NKAIN2: variants seen among roughly 807,000 people sequenced by gnomAD.
NKAIN2 encodes the protein sodium/potassium transporting ATPase interacting 2, also known as sodium/potassium-transporting ATPase subunit beta-1-interacting protein 2.
In NKAIN2, 14 loss-of-function variants were observed where a neutral mutation model predicts 32.6. That is an observed-to-expected ratio of 0.43 (90% CI 0.28 to 0.67). The LOEUF (loss-of-function observed/expected upper bound fraction) is 0.67, where lower values mean the gene tolerates loss of function less well. Ranked by LOEUF, NKAIN2 falls within the 30% of genes least tolerant of loss-of-function variation. The pLI, the probability that NKAIN2 is intolerant of heterozygous loss-of-function variation, is 0.17. For missense variants in NKAIN2, 198 were observed against 258.3 expected (o/e 0.77, Z 1.60); for synonymous variants, 80 against 87.2 (o/e 0.92, Z 0.46).
chr6:124,044,788 G>A (rs188068139), intron 1 of NKAIN2, among the ~76,000 whole-genome samples: 1 of 152,178 alleles, frequency 6.6e-6, no homozygotes, highest in African/African-American at 2.4e-5. Flanking sequence ...TCAGTTATCA[G>A]TGTTTTCTGC....
At chr6:124,577,350 C>A (rs1323146590) in intron 3 of NKAIN2, among the ~76,000 whole-genome samples, 1 of 152,050 alleles carries the variant, frequency 6.6e-6, no homozygotes, top group Non-Finnish European at 1.5e-5. Context: ...CCTCCTGCAC[C>A]CCCCAGCAGC....
intron 2 of NKAIN2, among the ~76,000 whole-genome samples, chr6:124,286,663 TGTGTGTGTGTGC>T (rs1266757386): frequency 1.7e-4 from 21 of 124,058 alleles, no homozygotes; most frequent in African/African-American, 7.8e-4. Flanking sequence ...TGTGTGTGTG[TGTGTGTGTGTGC>T]GCGCGCGTGT....
chr6:124,135,300 G>A (rs1241549397), intron 1 of NKAIN2, among the ~76,000 whole-genome samples: 4 of 151,688 alleles, frequency 2.6e-5, no homozygotes, highest in African/African-American at 9.7e-5. Context: ...AATGTAAATG[G>A]CCTAAATGCT....
chr6:124,504,704 G>A (rs1203522317), intron 3 of NKAIN2, among the ~76,000 whole-genome samples: 1 of 152,224 alleles, frequency 6.6e-6, no homozygotes, highest in African/African-American at 2.4e-5. Flanking sequence ...AACACAGCAA[G>A]AGTAAGCAAA....
At chr6:123,839,536 T>TC (rs1255102844) in intron 1 of NKAIN2, among the ~76,000 whole-genome samples, 1 of 152,156 alleles carries the variant, frequency 6.6e-6, no homozygotes, top group Non-Finnish European at 1.5e-5. Flanking sequence ...AAAAAAATGT[T>TC]CTTAGAGAGT....
intron 5 of NKAIN2, among the ~76,000 whole-genome samples, chr6:124,793,203 A>T (rs1007318566): frequency 7.9e-5 from 12 of 152,126 alleles, no homozygotes; most frequent in African/African-American, 2.9e-4. Context: ...TGGGTATCTG[A>T]TGCAAGTGAA....
intron 2 of NKAIN2, among the ~76,000 whole-genome samples, chr6:124,313,033 G>T (rs964033211): frequency 1.3e-5 from 2 of 151,990 alleles, no homozygotes; most frequent in African/African-American, 4.8e-5. Context: ...TGTATTAAGG[G>T]TTATGGGAGT....
intron 1 of NKAIN2, among the ~76,000 whole-genome samples, chr6:124,059,230 A>G (rs964468550): frequency 1.3e-5 from 2 of 152,154 alleles, no homozygotes; most frequent in Non-Finnish European, 2.9e-5. Flanking sequence ...GTAGAATAAT[A>G]TCCAGACCCA....
At chr6:124,255,809 T>C (rs769922161) in intron 1 of NKAIN2, among the ~76,000 whole-genome samples, 3 of 152,236 alleles carry the variant, frequency 2.0e-5, no homozygotes, top group African/African-American at 4.8e-5. Flanking sequence ...CCTTAAAATA[T>C]GCTCTCACTT....
intron 1 of NKAIN2, among the ~76,000 whole-genome samples, chr6:124,248,360 G>GTTAAGTAGTAGGATACTAA (rs1793524533): frequency 6.6e-6 from 1 of 151,918 alleles, no homozygotes; most frequent in African/African-American, 2.4e-5. Context: ...GCCTTCTACT[G>GTTAAGTAGTAGGATACTAA]TTAAGTGGTT....
intron 2 of NKAIN2, among the ~76,000 whole-genome samples, chr6:124,288,141 C>T (rs72963808): frequency 0.029 from 4,441 of 152,246 alleles, 88 homozygotes; most frequent in Non-Finnish European, 0.044. Context: ...ACTGATTCTC[C>T]TGTATATCTA....
intron 4 of NKAIN2, among the ~76,000 whole-genome samples, chr6:124,694,962 CTTTG>C (rs149609882): frequency 0.38 from 57,995 of 151,548 alleles, 11,142 homozygotes; most frequent in African/African-American, 0.41. Context: ...GAGTTATTGA[CTTTG>C]TTTGTTTTGT....
chr6:124,490,484 G>T (rs970229071), intron 3 of NKAIN2: 3 of 340,736 alleles, frequency 8.8e-6, no homozygotes, highest in Non-Finnish European at 1.7e-5. Context: ...AATAGCTAAT[G>T]GCTTAAAATG....
At chr6:124,027,449 A>G (rs1266676758) in intron 1 of NKAIN2, among the ~76,000 whole-genome samples, 3 of 152,100 alleles carry the variant, frequency 2.0e-5, no homozygotes, top group African/African-American at 7.2e-5. Flanking sequence ...CCAGCCAATT[A>G]TCACTCATAT....
chr6:124,177,456 A>G (rs1356557726), intron 1 of NKAIN2, among the ~76,000 whole-genome samples: 1 of 152,146 alleles, frequency 6.6e-6, no homozygotes, highest in African/African-American at 2.4e-5. Flanking sequence ...CCAGGTATTG[A>G]CTTTCAGAAC....
chr6:124,119,138 A>C lies in NKAIN2; in HGVS notation c.55-163867A>C, dbSNP rs144540246. Among the ~76,000 whole-genome samples, 977 of 152,310 alleles carry C rather than the reference A, an allele frequency of 6.4e-3. 11 individuals are homozygous for C. Among genetic ancestry groups the C allele is most frequent in the Middle Eastern group, 0.031 (9 of 294 alleles). On this transcript the variant is annotated intron_variant, in intron 1 of 6. Coordinates refer to ENST00000368417, the MANE Select transcript of NKAIN2 (RefSeq NM_001040214.3). ...TTCTATTACCATGTAAGGGTACTAT[A>C]TGATATAGCTCCCCAACCAGAAAGT... is the stretch of plus-strand genomic sequence containing the variant.
intron 1 of NKAIN2, among the ~76,000 whole-genome samples, chr6:123,986,920 G>A (rs1312235966): frequency 6.6e-6 from 1 of 152,126 alleles, no homozygotes; most frequent in Non-Finnish European, 1.5e-5. Flanking sequence ...GTTATGTGCT[G>A]AATGAAGATG....
chr6:124,430,751 A>G (rs1775183385), intron 3 of NKAIN2, among the ~76,000 whole-genome samples: 1 of 152,148 alleles, frequency 6.6e-6, no homozygotes, highest in East Asian at 1.9e-4. Context: ...GTATTCCTTG[A>G]GAACAGTTAC....
intron 5 of NKAIN2, among the ~76,000 whole-genome samples, chr6:124,810,869 A>C (rs1339208404): frequency 6.6e-6 from 1 of 151,676 alleles, no homozygotes; most frequent in African/African-American, 2.4e-5. Context: ...TCATGCAACA[A>C]CAGGCTAAAG....
Sources: gnomAD v4.1 joint callset for allele counts (sites outside exome capture counted in the v4.1 genomes callset) on GRCh38, gnomAD v4.1.1 for gene constraint, MANE v1.5 for transcripts, NCBI Gene and HGNC (gene_info 2026-07-23, HGNC 2026-07-21) for gene names.